GNAL: variants seen among roughly 807,000 people sequenced by gnomAD.
The protein encoded by GNAL is guanine nucleotide-binding protein G(olf) subunit alpha.
Under a neutral mutation model 55.1 loss-of-function variants are expected in GNAL, and 18 were observed. The ratio of observed to expected loss-of-function variants is 0.33; its 90% CI spans 0.23 to 0.48. The LOEUF is 0.48. Among genes scored for constraint, GNAL ranks in the 20% least tolerant of loss-of-function variants. GNAL has a pLI of 0.99. For missense variants in GNAL, 412 were observed against 614.1 expected (o/e 0.67, Z 3.48); for synonymous variants, 253 against 237.0 (o/e 1.07, Z -0.62).
rs1330582513 is a variant in GNAL, at chr18:11,752,236, A to G, written c.377-617A>G. The G allele has an allele frequency of 1.8e-6, 2 of 1,138,924 alleles. No individual in the cohort carries two copies. Among genetic ancestry groups the G allele is most frequent in the East Asian group, 3.2e-5 (1 of 31,704 alleles). The allele number at this position is 1,138,924 out of a possible 1,614,324, so 70.6% of individuals were successfully genotyped here. A position where few individuals can be genotyped will look rare whatever the true frequency, so the allele number is the denominator to read the frequency against. ...TACTCCGCGCGTCTTCCTTACAGCC[A>G]TTTAGTTGGGAGTTTGCGGTGGGCA... is the stretch of plus-strand genomic sequence containing the variant. On this transcript the variant is annotated intron_variant, in intron 1 of 11. Coordinates refer to ENST00000334049, the MANE Select transcript of GNAL (RefSeq NM_182978.4). The surrounding 1 kb of genome is among the most constrained non-coding windows in gnomAD (Gnocchi z 4.5).
intron 4 of GNAL, among the ~76,000 whole-genome samples, chr18:11,758,115 A>G (rs2033121220): frequency 1.3e-5 from 2 of 152,164 alleles, no homozygotes; most frequent in African/African-American, 2.4e-5. Context: ...TACAGAAGAA[A>G]GAGGCTGTGT....
chr18:11,704,861 T>C (rs1567992045), intron 1 of GNAL, among the ~76,000 whole-genome samples: 2 of 152,102 alleles, frequency 1.3e-5, no homozygotes, highest in Admixed American at 1.3e-4. Flanking sequence ...AGTGTGCAGT[T>C]TGGTTAGTTT....
chr18:11,791,368 C>G (rs1241690148), intron 4 of GNAL, among the ~76,000 whole-genome samples: 1 of 152,208 alleles, frequency 6.6e-6, no homozygotes, highest in East Asian at 1.9e-4. Flanking sequence ...ACAGGCTCCC[C>G]TGTTGAGCAG....
intron 5 of GNAL, among the ~76,000 whole-genome samples, chr18:11,839,716 A>G (rs1450620191): frequency 1.3e-5 from 2 of 152,216 alleles, no homozygotes; most frequent in Non-Finnish European, 2.9e-5. Context: ...ACAATGGAAT[A>G]TGATTCCACC....
At chr18:11,730,107 C>T (rs890605600) in intron 1 of GNAL, among the ~76,000 whole-genome samples, 5 of 151,520 alleles carry the variant, frequency 3.3e-5, no homozygotes, top group South Asian at 2.1e-4. Flanking sequence ...TATCTCGGCT[C>T]ACTGCAAGCT....
intron 1 of GNAL, among the ~76,000 whole-genome samples, chr18:11,724,222 G>A (rs997223091): frequency 6.6e-6 from 1 of 152,176 alleles, no homozygotes; most frequent in African/African-American, 2.4e-5. Flanking sequence ...CATGATGCTG[G>A]CATCTGCTCA....
rs534979807 is a variant in GNAL, at chr18:11,704,707, G to A, written c.376+14768G>A. 9.9e-5 allele frequency among the ~76,000 whole-genome samples: 15 copies of A among 152,156 alleles called. No homozygotes were observed. The South Asian group carries it at 3.1e-3, about 32-fold the overall frequency. ...TTTCTTTTAGTTTCTCCTTATCAAA[G>A]CTTGCTCATACCCAGAACATTTTAC... On this transcript the variant is annotated intron_variant, in intron 1 of 11. Transcript: ENST00000334049.
At chr18:11,750,390 C>T (rs531573005) in intron 1 of GNAL, among the ~76,000 whole-genome samples, 1 of 152,064 alleles carries the variant, frequency 6.6e-6, no homozygotes, top group East Asian at 1.9e-4. Context: ...TAGGGATCCG[C>T]GGTGGGCACG....
At chr18:11,814,572 A>G (rs940543527) in intron 4 of GNAL, among the ~76,000 whole-genome samples, 1 of 151,956 alleles carries the variant, frequency 6.6e-6, no homozygotes, top group African/African-American at 2.4e-5. Flanking sequence ...AAAACACCAT[A>G]TGGTCTCATC....
chr18:11,750,259 A>G (rs2032785605), intron 1 of GNAL, among the ~76,000 whole-genome samples: 1 of 152,170 alleles, frequency 6.6e-6, no homozygotes, highest in Non-Finnish European at 1.5e-5. Context: ...AGGAGCAGGT[A>G]GAAGGCGTGA....
Position 11,881,347 on chromosome 18 carries a change from C to A in GNAL, c.*212C>A, listed in dbSNP as rs1173103116. 4.4e-6 allele frequency: 2 copies of A among 457,402 alleles called. No homozygotes were observed. The highest frequency in any genetic ancestry group is 7.9e-6 in the Non-Finnish European group (2 of 253,158). The allele number at this position is 457,402 out of a possible 1,614,324, so 28.3% of individuals were successfully genotyped here. On this transcript the variant is annotated 3_prime_UTR_variant, in exon 12 of 12. Coordinates refer to ENST00000334049, the MANE Select transcript of GNAL (RefSeq NM_182978.4). The surrounding 1 kb of genome is among the most constrained non-coding windows in gnomAD (Gnocchi z 4.8). ...TACGGCCTCCCGCAGCATCCCACCC[C>A]CAAACCACCGACTCTCATTGCCGAC...
At position 11,768,907 on chromosome 18, in the gene GNAL, A is replaced by AT. The variant is rs1373176499; in HGVS notation, c.624+14962_624+14963insT. Among the ~76,000 whole-genome samples, 138 of 109,472 alleles carry AT rather than the reference A, an allele frequency of 1.3e-3. 3 individuals carry two copies. Among genetic ancestry groups the AT allele is most frequent in the Middle Eastern group, 8.9e-3 (2 of 224 alleles). 71.8% of individuals were successfully genotyped at this position (109,472 alleles called of 152,430 possible). A position where few individuals can be genotyped will look rare whatever the true frequency, so the allele number is the denominator to read the frequency against. Reference sequence around the variant, plus strand: ...AGACTCTGTCTCAAAAAAAAAAAAAAATATATATATAACATATTATTATAT... The same window carrying AT: ...AGACTCTGTCTCAAAAAAAAAAAAAATATATATATATAACATATTATTATAT... On this transcript the variant is annotated intron_variant, in intron 4 of 11. Coordinates refer to ENST00000334049, the MANE Select transcript of GNAL (RefSeq NM_182978.4).
chr18:11,711,686 C>A (rs933862776), intron 1 of GNAL, among the ~76,000 whole-genome samples: 1 of 152,162 alleles, frequency 6.6e-6, no homozygotes, highest in Non-Finnish European at 1.5e-5. Context: ...ATTTTTAATT[C>A]TTTGTCTGAT....
At chr18:11,819,855 T>G (rs1321569887) in intron 4 of GNAL, among the ~76,000 whole-genome samples, 1 of 135,832 alleles carries the variant, frequency 7.4e-6, no homozygotes, top group Non-Finnish European at 1.6e-5. Context: ...AACTAGAGCC[T>G]GTGAATTAAA....
At position 11,752,855 on chromosome 18, in the gene GNAL, G is replaced by T; in HGVS notation, c.379G>T (p.Ala127Ser). 1 of 1,602,714 alleles carries T rather than the reference G, an allele frequency of 6.2e-7. No individual in the cohort carries two copies. Among genetic ancestry groups the T allele is most frequent in the Non-Finnish European group, 8.5e-7 (1 of 1,169,626 alleles). ...GCGTTCTTTCTGTTTGTTTGCAGGG[G>T]CTGGTGAGTCTGGGAAAAGCACTAT... is the stretch of plus-strand genomic sequence containing the variant. Reference protein sequence around the residue: ...QQTHRLLLLGAGESGKSTIVK... With the variant: ...QQTHRLLLLGSGESGKSTIVK... The change falls in exon 2 of 12, where the codon GCT (alanine) becomes TCT (serine). Residue 127 changes from alanine (A) to serine (S), a missense_variant and splice_region_variant. Transcript: ENST00000334049. This position sits in a 1 kb window ranked among gnomAD's most constrained non-coding sequence, Gnocchi z 4.5.
At chr18:11,765,041 TAGAA>T (rs1195711376) in intron 4 of GNAL, among the ~76,000 whole-genome samples, 2 of 152,050 alleles carry the variant, frequency 1.3e-5, no homozygotes, top group African/African-American at 4.8e-5. Flanking sequence ...AAAAAACAAT[TAGAA>T]AAAGAAAATG....
intron 6 of GNAL, among the ~76,000 whole-genome samples, chr18:11,863,865 GC>G (rs2036201832): frequency 6.6e-6 from 1 of 152,200 alleles, no homozygotes; most frequent in Non-Finnish European, 1.5e-5. Flanking sequence ...TCTCACCCAA[GC>G]CATCGTGAGT....
chr18:11,859,334 C>T (rs1257127392), intron 5 of GNAL, among the ~76,000 whole-genome samples: 5 of 152,224 alleles, frequency 3.3e-5, no homozygotes, highest in Non-Finnish European at 7.3e-5. Flanking sequence ...CCGGCAGAAA[C>T]TTCTCCTACC....
At chr18:11,702,562 C>G (rs1162645175) in intron 1 of GNAL, among the ~76,000 whole-genome samples, 2 of 152,224 alleles carry the variant, frequency 1.3e-5, no homozygotes, top group Non-Finnish European at 2.9e-5. Flanking sequence ...GTAGCAATTA[C>G]TGACATTCAG....
Sources: allele counts gnomAD v4.1 joint callset (sites outside exome capture counted in the v4.1 genomes callset), GRCh38; gene constraint gnomAD v4.1.1; non-coding constraint Gnocchi (gnomAD v3.1); transcripts MANE v1.5; gene names NCBI Gene and HGNC (gene_info 2026-07-23, HGNC 2026-07-21).